KCNJ3: variants seen among roughly 807,000 people sequenced by gnomAD.
KCNJ3 encodes the protein potassium inwardly rectifying channel subfamily J member 3, also known as G protein-activated inward rectifier potassium channel 1.
In KCNJ3, 4 loss-of-function variants were observed where a neutral mutation model predicts 39.2. That is an observed-to-expected ratio of 0.10 (90% CI 0.05 to 0.23). The LOEUF is 0.23. Ranked by LOEUF, KCNJ3 falls within the 10% of genes least tolerant of loss-of-function variation. The pLI, the probability that KCNJ3 is intolerant of heterozygous loss-of-function variation, is 1.00. For synonymous variants in KCNJ3, 230 were observed against 237.4 expected, an observed-to-expected ratio of 0.97 and a Z score of 0.29; for missense variants, 276 against 634.9, an observed-to-expected ratio of 0.43 and a Z score of 6.08.
At chr2:154,724,685 A>G (rs999049648) in intron 2 of KCNJ3, among the ~76,000 whole-genome samples, 2 of 151,908 alleles carry the variant, frequency 1.3e-5, no homozygotes, top group Non-Finnish European at 2.9e-5. Flanking sequence ...CCATTCTCCA[A>G]TATAATGTCG....
chr2:154,833,871 T>C (rs2961973), intron 2 of KCNJ3, among the ~76,000 whole-genome samples: 31,285 of 151,470 alleles, frequency 0.21, 3,519 homozygotes, highest in East Asian at 0.41. Flanking sequence ...CTTAATAGTG[T>C]ATTTTTTTTT....
chr2:154,852,363 C>T (rs1206308800), intron 2 of KCNJ3, among the ~76,000 whole-genome samples: 2 of 151,774 alleles, frequency 1.3e-5, no homozygotes, highest in East Asian at 1.9e-4. Context: ...GCCACTGCAC[C>T]GCAGCCTGGG....
intron 2 of KCNJ3, among the ~76,000 whole-genome samples, chr2:154,781,208 A>T (rs1315453789): frequency 6.6e-6 from 1 of 152,192 alleles, no homozygotes. Context: ...CAGCACCTTC[A>T]TTTTAGCCCA....
Position 154,699,282 on chromosome 2 carries a change from C to A in KCNJ3, c.507C>A (p.Gly169=), listed in dbSNP as rs1684843740. The change falls in exon 1 of 3, where the codon GGC becomes GGA. Residue 169 remains glycine (G), a synonymous_variant. Coordinates refer to ENST00000295101, the MANE Select transcript of KCNJ3 (RefSeq NM_002239.4). The surrounding 1 kb of genome is among the most constrained non-coding windows in gnomAD (Gnocchi z 6.4). ...TCTTCCTCTTCCAGTCCATCCTGGG[C>A]TCCATCGTGGACGCCTTCCTCATCG... ...IILFLFQSIL[G]SIVDAFLIGC... 1 of 1,614,068 alleles carries A rather than the reference C, an allele frequency of 6.2e-7. No individual in the cohort carries two copies.
chr2:154,719,932 T>G (rs1685240540), intron 2 of KCNJ3, among the ~76,000 whole-genome samples: 1 of 152,114 alleles, frequency 6.6e-6, no homozygotes, highest in Admixed American at 6.5e-5. Flanking sequence ...AGTTTTAACT[T>G]TGTTATTTCT....
chr2:154,709,104 C>T (rs1011831874), intron 1 of KCNJ3, among the ~76,000 whole-genome samples: 3 of 152,096 alleles, frequency 2.0e-5, no homozygotes, highest in African/African-American at 4.8e-5. Flanking sequence ...TGTTACTTTT[C>T]GAAAGTCTGA....
At chr2:154,723,827 T>C (rs1248855945) in intron 2 of KCNJ3, among the ~76,000 whole-genome samples, 1 of 152,170 alleles carries the variant, frequency 6.6e-6, no homozygotes, top group Non-Finnish European at 1.5e-5. Context: ...TTTAGATACC[T>C]AGAATGAGTT....
At chr2:154,745,319 A>C (rs2105177548) in intron 2 of KCNJ3, among the ~76,000 whole-genome samples, 1 of 152,112 alleles carries the variant, frequency 6.6e-6, no homozygotes, top group East Asian at 1.9e-4. Flanking sequence ...GACAGGTGCA[A>C]AAGTCTTTAA....
At chr2:154,808,083 T>A (rs1298133129) in intron 2 of KCNJ3, among the ~76,000 whole-genome samples, 4 of 135,362 alleles carry the variant, frequency 3.0e-5, no homozygotes, top group East Asian at 2.1e-4. Flanking sequence ...GGCATTTAAA[T>A]TTTTTTTTTT....
At chr2:154,763,088 A>C (rs1383811424) in intron 2 of KCNJ3, among the ~76,000 whole-genome samples, 4 of 152,222 alleles carry the variant, frequency 2.6e-5, no homozygotes, top group Non-Finnish European at 5.9e-5. Flanking sequence ...GACAATACCC[A>C]TTCCATTATA....
chr2:154,717,073 G>C (rs1685194201), intron 2 of KCNJ3, among the ~76,000 whole-genome samples: 1 of 152,190 alleles, frequency 6.6e-6, no homozygotes, highest in African/African-American at 2.4e-5. Context: ...TCTTCCAAAG[G>C]AGGTCCGAGA....
chr2:154,811,627 C>T (rs1210886830), intron 2 of KCNJ3, among the ~76,000 whole-genome samples: 2 of 152,050 alleles, frequency 1.3e-5, no homozygotes, highest in Non-Finnish European at 2.9e-5. Context: ...AAACTTTGTT[C>T]CTGTTTGTCC....
intron 2 of KCNJ3, among the ~76,000 whole-genome samples, chr2:154,749,913 A>C (rs1286016141): frequency 6.6e-6 from 1 of 151,914 alleles, no homozygotes; most frequent in Non-Finnish European, 1.5e-5. Flanking sequence ...AATTCATAAC[A>C]ATCTCCCTAT....
At chr2:154,821,626 G>C (rs1574474697) in intron 2 of KCNJ3, among the ~76,000 whole-genome samples, 2 of 135,596 alleles carry the variant, frequency 1.5e-5, no homozygotes, top group South Asian at 2.5e-4. Context: ...AAGAAAAAGA[G>C]AATATGTGAT....
chr2:154,701,818 A>G (rs1684901806), intron 1 of KCNJ3, among the ~76,000 whole-genome samples: 1 of 152,068 alleles, frequency 6.6e-6, no homozygotes, highest in Admixed American at 6.5e-5. Flanking sequence ...AATTCTCCCC[A>G]TGGCGAAGGG....
At position 154,796,944 on chromosome 2, in the gene KCNJ3, A is replaced by G. The variant is rs572690817; in HGVS notation, c.920-57783A>G. ...GCCCATTTTATTCTAGACTCATTGTAGCCCATTCTATTCTAGGATTGCTGG... is the reference window on the plus strand; with the variant it reads ...GCCCATTTTATTCTAGACTCATTGTGGCCCATTCTATTCTAGGATTGCTGG... On this transcript the variant is annotated intron_variant, in intron 2 of 2. Transcript: ENST00000295101. 3.3e-5 allele frequency among the ~76,000 whole-genome samples: 5 copies of G among 152,284 alleles called. No homozygotes were observed. In the South Asian group the frequency reaches 1.0e-3, roughly 32 times the overall value.
At chr2:154,811,733 G>A (rs1687010634) in intron 2 of KCNJ3, among the ~76,000 whole-genome samples, 1 of 152,144 alleles carries the variant, frequency 6.6e-6, no homozygotes, top group Non-Finnish European at 1.5e-5. Context: ...GAAACATCTA[G>A]TTAAGAAGCA....
chr2:154,748,861 T>TA (rs1428992673), intron 2 of KCNJ3, among the ~76,000 whole-genome samples: 2 of 152,126 alleles, frequency 1.3e-5, no homozygotes, highest in Admixed American at 6.6e-5. Context: ...GTACTACTGA[T>TA]ACGGACATAT....
At chr2:154,727,570 G>T (rs1223240058) in intron 2 of KCNJ3, among the ~76,000 whole-genome samples, 3 of 119,284 alleles carry the variant, frequency 2.5e-5, no homozygotes, top group African/African-American at 1.0e-4. Context: ...TCCAACCTGG[G>T]AAGCAAGAGC....
Sources: gnomAD v4.1 joint callset for allele counts (sites outside exome capture counted in the v4.1 genomes callset) on GRCh38, gnomAD v4.1.1 for gene constraint, Gnocchi (gnomAD v3.1) non-coding constraint, MANE v1.5 for transcripts, NCBI Gene and HGNC (gene_info 2026-07-23, HGNC 2026-07-21) for gene names.